CLPB: variants seen among roughly 807,000 people sequenced by gnomAD.
CLPB encodes mitochondrial disaggregase.
In CLPB, 40 loss-of-function variants were observed where a neutral mutation model predicts 78.4. The observed-to-expected ratio is 0.51, with a 90% CI of 0.40 to 0.66. The LOEUF is 0.66. CLPB is among the 30% of genes least tolerant of loss of function. The pLI, the probability that CLPB is intolerant of heterozygous loss-of-function variation, is 0.00. For missense variants in CLPB, 780 were observed against 886.9 expected (o/e 0.88, Z 1.53); for synonymous variants, 333 against 348.0 (o/e 0.96, Z 0.48).
chr11:72,433,297 C>T (rs759251649), intron 1 of CLPB, among the ~76,000 whole-genome samples: 12 of 152,142 alleles, frequency 7.9e-5, no homozygotes, highest in Non-Finnish European at 1.5e-4. Flanking sequence ...CGGTGGCTCA[C>T]GCCTGTAATC....
chr11:72,365,568 T>A (rs1950927021), intron 4 of CLPB, among the ~76,000 whole-genome samples: 1 of 151,756 alleles, frequency 6.6e-6, no homozygotes. Context: ...AATGGTGAAG[T>A]GCATATAGAA....
rs1396076044 is a variant in CLPB, at chr11:72,291,348, C to T, written c.*2019G>A. On this transcript the variant is annotated 3_prime_UTR_variant, in exon 16 of 16. Coordinates refer to ENST00000538039, the MANE Select transcript of CLPB (RefSeq NM_001258392.3). ...TTTGAGACGGAGTCTCACTCTGTCG[C>T]CCAGGCTGGAGTGCAGTGGCGTGAT... 2 of 152,240 alleles carry T rather than the reference C, an allele frequency of 1.3e-5. No homozygotes were observed. Among genetic ancestry groups the T allele is most frequent in the Non-Finnish European group, 2.9e-5 (2 of 68,070 alleles). The allele number at this position is 152,240 out of a possible 1,614,324, so 9.4% of individuals were successfully genotyped here. A position where few individuals can be genotyped will look rare whatever the true frequency, so the allele number is the denominator to read the frequency against.
chr11:72,360,482 C>G (rs1186969119), intron 4 of CLPB, among the ~76,000 whole-genome samples: 1 of 151,964 alleles, frequency 6.6e-6, no homozygotes, highest in Non-Finnish European at 1.5e-5. Flanking sequence ...TGATCTGTCA[C>G]CCAGGCTGGA....
chr11:72,314,730 T>C (rs1949909214), intron 7 of CLPB, among the ~76,000 whole-genome samples: 1 of 148,580 alleles, frequency 6.7e-6, no homozygotes, highest in African/African-American at 2.5e-5. Flanking sequence ...GTGTCGGCAA[T>C]GGGCTGGGGT....
intron 3 of CLPB, among the ~76,000 whole-genome samples, chr11:72,396,485 C>A (rs550393572): frequency 6.6e-6 from 1 of 152,262 alleles, no homozygotes; most frequent in Admixed American, 6.5e-5. Context: ...AACGGCCTCA[C>A]TATATAGGTG....
chr11:72,392,893 C>T (rs1010042182), intron 3 of CLPB, among the ~76,000 whole-genome samples: 5 of 152,208 alleles, frequency 3.3e-5, no homozygotes, highest in African/African-American at 1.2e-4. Flanking sequence ...AGTCTGTCTT[C>T]TTATCCCATA....
At chr11:72,294,816 G>A in intron 12 of CLPB, 123 bp from the exon 13 acceptor site, 2 of 810,300 alleles carry the variant, frequency 2.5e-6, no homozygotes, top group Non-Finnish European at 4.2e-6. Context: ...TCCTGGTCAA[G>A]GTCTAAGGCT....
At chr11:72,348,223 C>T (rs1950549414) in intron 5 of CLPB, among the ~76,000 whole-genome samples, 1 of 152,182 alleles carries the variant, frequency 6.6e-6, no homozygotes, top group Non-Finnish European at 1.5e-5. Context: ...ACTTCCTTTC[C>T]ACTGCATGTC....
intron 7 of CLPB, 26 bp downstream of exon 7, chr11:72,317,080 C>A: frequency 6.5e-7 from 1 of 1,549,620 alleles, no homozygotes; most frequent in Non-Finnish European, 8.8e-7. Flanking sequence ...CACCACTCTG[C>A]CCTTTCTGGT....
At chr11:72,306,808 G>A (rs924614096) in intron 9 of CLPB, among the ~76,000 whole-genome samples, 5 of 152,216 alleles carry the variant, frequency 3.3e-5, no homozygotes, top group African/African-American at 7.2e-5. Context: ...TTCTGAAGCT[G>A]TTTCCCCCTC....
intron 4 of CLPB, among the ~76,000 whole-genome samples, chr11:72,379,229 T>A (rs1854822052): frequency 6.6e-6 from 1 of 152,110 alleles, no homozygotes; most frequent in South Asian, 2.1e-4. Context: ...CCAGCGTCAA[T>A]ATTCTGGCTC....
chr11:72,294,492 G>T (rs747281970), intron 13 of CLPB, 48 bp from the exon 14 acceptor site: 3 of 1,612,806 alleles, frequency 1.9e-6, no homozygotes, highest in East Asian at 2.2e-5. Flanking sequence ...CCCAGAGCGG[G>T]TTAGGGAAAT....
intron 3 of CLPB, 72 bp from the exon 4 acceptor site, chr11:72,380,456 G>T: frequency 8.4e-7 from 1 of 1,191,420 alleles, no homozygotes; most frequent in Non-Finnish European, 1.2e-6. Context: ...AGATCCGGAA[G>T]CATGTTTGGG....
rs1304755885 is a variant in CLPB at position 72,340,296 on chromosome 11, C to T, written c.776-10492G>A. 2.0e-5 allele frequency among the ~76,000 whole-genome samples: 3 copies of T among 152,078 alleles called. No individual in the cohort carries two copies. The East Asian group carries it at 5.8e-4, about 29-fold the overall frequency. On this transcript the variant is annotated intron_variant, in intron 5 of 15. Coordinates refer to ENST00000538039, the MANE Select transcript of CLPB (RefSeq NM_001258392.3). ...CTGGCTGCCTTTGGATGGAGGAGGT[C>T]GATACACCAGTCCACGACATATTGA... is the stretch of plus-strand genomic sequence containing the variant.
Position 72,293,535 on chromosome 11 carries a change from C to A in CLPB, c.1866G>T (p.Thr622=), listed in dbSNP as rs140281600. The part of the protein sequence containing the change: ...LLPGGCTLRI[T]VEDSDKQLLK... ...GTAGCTGCTTGTCTGAGTCCTCCAC[C>A]GTGATGCGCAAAGTACAGCCCCCTG... Residue 622 remains threonine, a synonymous_variant, in exon 16 of 16, where the codon ACG becomes ACT. Coordinates refer to ENST00000538039, the MANE Select transcript of CLPB (RefSeq NM_001258392.3). 4 of 1,614,102 alleles carry A rather than the reference C, an allele frequency of 2.5e-6. No individual in the cohort carries two copies. Among genetic ancestry groups the A allele is most frequent in the Non-Finnish European group, 1.7e-6 (2 of 1,180,012 alleles).
At chr11:72,414,574 A>C (rs1382288241) in intron 2 of CLPB, among the ~76,000 whole-genome samples, 1 of 152,228 alleles carries the variant, frequency 6.6e-6, no homozygotes, top group African/African-American at 2.4e-5. Context: ...GCCTTCACTC[A>C]CTCAACAAAA....
chr11:72,386,462 T>C (rs34789427), intron 3 of CLPB, among the ~76,000 whole-genome samples: 221 of 152,368 alleles, frequency 1.5e-3, no homozygotes, highest in Middle Eastern at 3.4e-3. Flanking sequence ...GATAGTTTTT[T>C]AGTATTTGTA....
Position 72,326,984 on chromosome 11 carries a change from C to T in CLPB, c.873+2723G>A, listed in dbSNP as rs115345642. Among the ~76,000 whole-genome samples the T allele has an allele frequency of 1.1e-3, 168 of 152,290 alleles. 1 individual carries two copies. The highest frequency in any genetic ancestry group is 3.9e-3 in the African/African-American group (162 of 41,562). On this transcript the variant is annotated intron_variant, in intron 6 of 15. Coordinates refer to ENST00000538039, the MANE Select transcript of CLPB (RefSeq NM_001258392.3). ...GGTAGAATCTGATGGGACAGCAAAG[C>T]AATTAGGTGGAGATGCTCAGTGGAC...
intron 9 of CLPB, among the ~76,000 whole-genome samples, chr11:72,305,341 C>CA (rs1402601865): frequency 1.6e-4 from 25 of 152,292 alleles, no homozygotes; most frequent in African/African-American, 6.0e-4. Flanking sequence ...CCCATAGGAT[C>CA]AAATGGGAGA....
Sources: allele counts gnomAD v4.1 joint callset (sites outside exome capture counted in the v4.1 genomes callset), GRCh38; gene constraint gnomAD v4.1.1; transcripts MANE v1.5; gene names NCBI Gene and HGNC (gene_info 2026-07-23, HGNC 2026-07-21).